HPSE2: variants seen among roughly 807,000 people sequenced by gnomAD.
HPSE2 encodes the protein inactive heparanase-2.
Under a neutral mutation model 60.5 loss-of-function variants are expected in HPSE2, and 38 were observed. The ratio of observed to expected loss-of-function variants is 0.63; its 90% CI spans 0.48 to 0.82. The LOEUF is 0.82. Among genes scored for constraint, HPSE2 ranks in the 40% least tolerant of loss-of-function variants. The probability of loss-of-function intolerance (pLI) is 0.00; values close to 1 mark genes in which losing one functional copy is unlikely to be tolerated. For missense variants in HPSE2, 713 were observed against 740.4 expected (o/e 0.96, Z 0.43); for synonymous variants, 295 against 293.2 (o/e 1.01, Z -0.06).
At chr10:98,529,066 G>A (rs1032051543) in intron 9 of HPSE2, among the ~76,000 whole-genome samples, 4 of 152,212 alleles carry the variant, frequency 2.6e-5, no homozygotes, top group African/African-American at 9.6e-5. Context: ...TCAAATGCGC[G>A]CACGCGCGCA....
At chr10:98,541,380 G>C (rs993562453) in intron 9 of HPSE2, among the ~76,000 whole-genome samples, 6 of 152,220 alleles carry the variant, frequency 3.9e-5, no homozygotes, top group African/African-American at 1.4e-4. Flanking sequence ...ACAGCTCCCA[G>C]CCTGAGCAAC....
chr10:98,812,153 A>G (rs529735802), intron 3 of HPSE2, among the ~76,000 whole-genome samples: 1 of 152,126 alleles, frequency 6.6e-6, no homozygotes, highest in Non-Finnish European at 1.5e-5. Flanking sequence ...AAAATGCTAT[A>G]TTAATGTCAG....
chr10:99,140,816 A>C (rs1376265191), intron 3 of HPSE2, among the ~76,000 whole-genome samples: 1 of 152,180 alleles, frequency 6.6e-6, no homozygotes, highest in African/African-American at 2.4e-5. Flanking sequence ...AGGTGGGCGG[A>C]TCACAAGGTC....
At chr10:99,160,980 C>T (rs1846815680) in intron 2 of HPSE2, among the ~76,000 whole-genome samples, 1 of 150,324 alleles carries the variant, frequency 6.7e-6, no homozygotes, top group East Asian at 2.0e-4. Context: ...CTCTGAGTGG[C>T]CAGGGTGGGA....
chr10:99,013,488 T>C, intron 3 of HPSE2: 1 of 389,262 alleles, frequency 2.6e-6, no homozygotes, highest in Non-Finnish European at 5.0e-6. Context: ...TTATTATTAT[T>C]TGAGATACAG....
chr10:99,257,467 G>A, the HPSE2 span, among the ~76,000 whole-genome samples: 1 of 152,122 alleles, frequency 6.6e-6, no homozygotes, highest in Non-Finnish European at 1.5e-5. Flanking sequence ...TGTCTTTTAT[G>A]GTCGAAGCTG....
chr10:98,975,026 A>G (rs541164686), intron 3 of HPSE2, among the ~76,000 whole-genome samples: 192 of 152,336 alleles, frequency 1.3e-3, no homozygotes, highest in Non-Finnish European at 1.6e-3. Flanking sequence ...TTGAATGAAT[A>G]ACAACTGTAT....
chr10:98,893,894 T>C (rs1953408468), intron 3 of HPSE2, among the ~76,000 whole-genome samples: 1 of 85,440 alleles, frequency 1.2e-5, no homozygotes, highest in South Asian at 5.0e-4. Flanking sequence ...CATAATGAAG[T>C]GGTAAACTAG....
intron 3 of HPSE2, among the ~76,000 whole-genome samples, chr10:98,846,569 T>C (rs1309463646): frequency 6.6e-6 from 1 of 152,190 alleles, no homozygotes; most frequent in African/African-American, 2.4e-5. Flanking sequence ...TGATGCACAG[T>C]TCAAACAACT....
intron 4 of HPSE2, among the ~76,000 whole-genome samples, chr10:98,741,494 G>C (rs1463861951): frequency 6.6e-6 from 1 of 151,718 alleles, no homozygotes; most frequent in Non-Finnish European, 1.5e-5. Flanking sequence ...GTCTGGAACA[G>C]ATATATACAG....
intron 3 of HPSE2, among the ~76,000 whole-genome samples, chr10:99,015,615 C>A: frequency 6.8e-6 from 1 of 146,910 alleles, no homozygotes; most frequent in East Asian, 2.0e-4. Flanking sequence ...GGGAATTGAA[C>A]AATGAGAACA....
At chr10:98,893,044 CATTTTTATTTTTA>C (rs980223399) in intron 3 of HPSE2, among the ~76,000 whole-genome samples, 17 of 151,846 alleles carry the variant, frequency 1.1e-4, no homozygotes, top group Admixed American at 9.2e-4. Context: ...ATTTATTTTT[CATTTTTATTTTTA>C]ATTTTATTTA....
chr10:98,841,808 A>G (rs1163625855), intron 3 of HPSE2, among the ~76,000 whole-genome samples: 1 of 143,278 alleles, frequency 7.0e-6, no homozygotes, highest in Non-Finnish European at 1.5e-5. Context: ...ATTCCTTGTA[A>G]TTTTTTTTTT....
chr10:98,525,015 A>C, intron 9 of HPSE2, among the ~76,000 whole-genome samples: 1 of 152,164 alleles, frequency 6.6e-6, no homozygotes, highest in East Asian at 1.9e-4. Context: ...TTAATGGCAC[A>C]TTTATTTATT....
At chr10:98,462,036 C>T (rs1228029780) in intron 11 of HPSE2, among the ~76,000 whole-genome samples, 2 of 152,196 alleles carry the variant, frequency 1.3e-5, no homozygotes, top group Admixed American at 6.5e-5. Flanking sequence ...ATCCCCTAAC[C>T]TCACTGCCCT....
chr10:99,111,661 T>C (rs1474211986), intron 3 of HPSE2, among the ~76,000 whole-genome samples: 1 of 152,202 alleles, frequency 6.6e-6, no homozygotes, highest in African/African-American at 2.4e-5. Context: ...ATAAACCAGT[T>C]TGTTTATTTG....
the HPSE2 span, among the ~76,000 whole-genome samples, chr10:99,269,015 T>C: frequency 6.6e-6 from 1 of 151,896 alleles, no homozygotes; most frequent in Non-Finnish European, 1.5e-5. Flanking sequence ...AAAAATTAGC[T>C]GGGCATGGTG....
chr10:98,579,940 C>G (rs763507709), intron 9 of HPSE2, among the ~76,000 whole-genome samples: 2 of 152,202 alleles, frequency 1.3e-5, no homozygotes, highest in African/African-American at 2.4e-5. Flanking sequence ...TTGCTCCAAT[C>G]TGGACTATCT....
At chr10:99,143,779 T>C (rs1845950325) in intron 3 of HPSE2, among the ~76,000 whole-genome samples, 1 of 152,160 alleles carries the variant, frequency 6.6e-6, no homozygotes, top group Non-Finnish European at 1.5e-5. Flanking sequence ...GCCTCTTTGC[T>C]CTTAAGAAGA....
Sources: allele counts gnomAD v4.1 joint callset (sites outside exome capture counted in the v4.1 genomes callset), GRCh38; gene constraint gnomAD v4.1.1; transcripts MANE v1.5; gene names NCBI Gene and HGNC (gene_info 2026-07-23, HGNC 2026-07-21).